Variants in PTH2R observed in about 807,000 individuals in gnomAD.
PTH2R encodes the protein parathyroid hormone 2 receptor.
PTH2R carries 59 observed loss-of-function variants against 60.3 expected under a neutral mutation model. The observed-to-expected ratio is 0.98, with a 90% CI of 0.79 to 1.22. PTH2R has a LOEUF of 1.22. Ranked by LOEUF, PTH2R falls within the 50% of genes most tolerant of loss-of-function variation. PTH2R has a pLI of 0.00. For synonymous variants in PTH2R, 256 were observed against 243.8 expected (o/e 1.05, Z -0.47); for missense variants, 749 against 682.6 (o/e 1.10, Z -1.08).
At chr2:208,388,499 C>T (rs960153380) in intron 1 of PTH2R, among the ~76,000 whole-genome samples, 1 of 152,184 alleles carries the variant, frequency 6.6e-6, no homozygotes, top group Non-Finnish European at 1.5e-5. Flanking sequence ...CCCATTCCAT[C>T]ATACCTGTGT....
chr2:208,485,085 T>C (rs1402974540), intron 10 of PTH2R, among the ~76,000 whole-genome samples: 1 of 152,150 alleles, frequency 6.6e-6, no homozygotes, highest in Non-Finnish European at 1.5e-5. Flanking sequence ...GTGCTATGTA[T>C]ACAGAAAAGA....
Position 208,407,023 on chromosome 2 carries a change from CT to C in PTH2R, c.-19del. On this transcript the variant is annotated 5_prime_UTR_variant, in exon 1 of 13. Transcript: ENST00000272847. The stretch of plus-strand genomic sequence containing the variant: ...GGGCTCTGGAGGAGGGTCCCTGCTT[CT>C]TCCTACAGCCGTTCCGGGCATGGCC... 7.2e-7 allele frequency: 1 copy of C among 1,380,212 alleles called. No individual in the cohort carries two copies. The highest frequency in any genetic ancestry group is 9.4e-7 in the Non-Finnish European group (1 of 1,060,894). The allele number at this position is 1,380,212 out of a possible 1,614,324, so 85.5% of individuals were successfully genotyped here.
chr2:208,485,441 C>T (rs1419155471), intron 10 of PTH2R, among the ~76,000 whole-genome samples: 1 of 152,120 alleles, frequency 6.6e-6, no homozygotes. Context: ...GGTATAAAAA[C>T]GTACAATGTG....
At chr2:208,369,801 T>C (rs1323748462) in intron 1 of PTH2R, among the ~76,000 whole-genome samples, 3 of 152,114 alleles carry the variant, frequency 2.0e-5, no homozygotes, top group Non-Finnish European at 2.9e-5. Flanking sequence ...GGTTCTTTTA[T>C]ATATAAATTA....
At chr2:208,385,281 A>G (rs1197376886) in intron 1 of PTH2R, among the ~76,000 whole-genome samples, 2 of 152,246 alleles carry the variant, frequency 1.3e-5, no homozygotes, top group African/African-American at 4.8e-5. Context: ...TTATTTAAAA[A>G]GTGAGCAGTA....
chr2:208,460,964 A>G (rs1702621803), intron 9 of PTH2R, among the ~76,000 whole-genome samples: 1 of 152,138 alleles, frequency 6.6e-6, no homozygotes, highest in South Asian at 2.1e-4. Flanking sequence ...AATGTAGTTG[A>G]GGTATTGTAA....
chr2:208,446,916 C>T (rs568425044), intron 7 of PTH2R, among the ~76,000 whole-genome samples: 2 of 152,166 alleles, frequency 1.3e-5, no homozygotes, highest in East Asian at 3.9e-4. Context: ...AGAGCGAGTC[C>T]AATTTTATAC....
intron 1 of PTH2R, among the ~76,000 whole-genome samples, chr2:208,396,069 C>T (rs561902476): frequency 1.4e-4 from 21 of 152,146 alleles, no homozygotes; most frequent in Non-Finnish European, 2.4e-4. Context: ...GAAAGGATTC[C>T]CTGTTTAATA....
At chr2:208,387,855 A>G (rs1701030468) in intron 1 of PTH2R, among the ~76,000 whole-genome samples, 1 of 152,208 alleles carries the variant, frequency 6.6e-6, no homozygotes, top group South Asian at 2.1e-4. Context: ...CATGTTAAAT[A>G]TCTTATTCCA....
chr2:208,462,046 A>T (rs997595542), intron 9 of PTH2R, among the ~76,000 whole-genome samples: 1 of 152,210 alleles, frequency 6.6e-6, no homozygotes, highest in African/African-American at 2.4e-5. Context: ...CTCAAAAATC[A>T]CAGCTGAGAC....
At chr2:208,451,465 A>G (rs1008421027) in intron 8 of PTH2R, among the ~76,000 whole-genome samples, 8 of 152,166 alleles carry the variant, frequency 5.3e-5, no homozygotes, top group Non-Finnish European at 1.0e-4. Context: ...GAGGCTGATA[A>G]TGCCCTCAAA....
At chr2:208,480,632 C>T (rs145710839) in intron 9 of PTH2R, among the ~76,000 whole-genome samples, 3,271 of 152,284 alleles carry the variant, frequency 0.021, 53 homozygotes, top group Middle Eastern at 0.065. Flanking sequence ...ATATCACCTT[C>T]ACCCAATACT....
chr2:208,394,057 CA>C (rs1553541539), intron 1 of PTH2R, among the ~76,000 whole-genome samples: 1 of 152,168 alleles, frequency 6.6e-6, no homozygotes, highest in Non-Finnish European at 1.5e-5. Flanking sequence ...GTTGATTGTA[CA>C]GAACTTGTAA....
intron 1 of PTH2R, among the ~76,000 whole-genome samples, chr2:208,401,689 C>A (rs1701312749): frequency 6.6e-6 from 1 of 152,110 alleles, no homozygotes; most frequent in African/African-American, 2.4e-5. Flanking sequence ...CTTCGAATGC[C>A]CTCTTCAGCA....
intron 1 of PTH2R, among the ~76,000 whole-genome samples, chr2:208,389,677 T>C (rs1701070123): frequency 6.6e-6 from 1 of 152,224 alleles, no homozygotes; most frequent in Non-Finnish European, 1.5e-5. Flanking sequence ...TAACATAGTG[T>C]GCCAAACATT....
chr2:208,433,574 G>A (rs770235544), intron 2 of PTH2R, among the ~76,000 whole-genome samples: 48 of 152,146 alleles, frequency 3.2e-4, no homozygotes, highest in Non-Finnish European at 5.6e-4. Context: ...TAGTTTGTGA[G>A]TATATGATTT....
intron 4 of PTH2R, among the ~76,000 whole-genome samples, chr2:208,441,502 T>A (rs371504860): frequency 6.6e-6 from 1 of 152,246 alleles, no homozygotes; most frequent in South Asian, 2.1e-4. Flanking sequence ...CCCCATTTAG[T>A]CTATTAGTAT....
rs11886633 is a variant in PTH2R at position 208,490,580 on chromosome 2, T to C, written c.1216-59T>C. On this transcript the variant is annotated intron_variant, in intron 11 of 12. Transcript: ENST00000272847. ...TGGACGTACACATTTTGGCACAAGA[T>C]GCTTAAGTGCTGTGAGTTTCTGAGT... The C allele has an allele frequency of 1.4e-3, 2,199 of 1,554,328 alleles. 31 individuals carry two copies. In the African/African-American group the frequency reaches 0.026, roughly 19 times the overall value.
intron 10 of PTH2R, among the ~76,000 whole-genome samples, chr2:208,483,400 G>A (rs1368652359): frequency 7.9e-5 from 12 of 152,274 alleles, no homozygotes; most frequent in Non-Finnish European, 4.4e-5. Context: ...GTGTTTAGAA[G>A]CTACTTATTT....
Sources: gnomAD v4.1 joint callset for allele counts (sites outside exome capture counted in the v4.1 genomes callset) on GRCh38, gnomAD v4.1.1 for gene constraint, MANE v1.5 for transcripts, NCBI Gene and HGNC (gene_info 2026-07-23, HGNC 2026-07-21) for gene names.